CNTN5: variants seen among roughly 807,000 people sequenced by gnomAD.
CNTN5 encodes the protein contactin 5, also known as contactin-5.
CNTN5 carries 77 observed loss-of-function variants against 129.1 expected under a neutral mutation model. The ratio of observed to expected loss-of-function variants is 0.60; its 90% CI spans 0.50 to 0.72. The LOEUF is 0.72. Ranked by LOEUF, CNTN5 falls within the 30% of genes least tolerant of loss-of-function variation. The pLI is 0.00. For synonymous variants in CNTN5, 509 were observed against 465.6 expected (o/e 1.09, Z -1.20); for missense variants, 1,478 against 1,328.8 (o/e 1.11, Z -1.75).
At chr11:99,774,123 A>T (rs1270435166) in intron 3 of CNTN5, among the ~76,000 whole-genome samples, 2 of 151,942 alleles carry the variant, frequency 1.3e-5, no homozygotes, top group African/African-American at 4.8e-5. Flanking sequence ...AAGTTCTAGA[A>T]TGGTTTAAGT....
At chr11:99,439,319 T>C (rs1446316389) in intron 2 of CNTN5, among the ~76,000 whole-genome samples, 7 of 151,786 alleles carry the variant, frequency 4.6e-5, no homozygotes, top group Admixed American at 2.0e-4. Flanking sequence ...TGTGTGTATA[T>C]ATATTTAAGA....
chr11:99,864,458 AGAT>A (rs1267444628), intron 6 of CNTN5, among the ~76,000 whole-genome samples: 1 of 151,956 alleles, frequency 6.6e-6, no homozygotes, highest in Non-Finnish European at 1.5e-5. Flanking sequence ...CACCCTTTTT[AGAT>A]GATGTTTTTA....
intron 1 of CNTN5, among the ~76,000 whole-genome samples, chr11:99,232,932 A>T (rs78639496): frequency 0.049 from 7,427 of 152,270 alleles, 563 homozygotes; most frequent in African/African-American, 0.16. Flanking sequence ...TATGTTAAAC[A>T]TATAAAATGA....
chr11:99,201,360 T>TTCCC (rs1333487837), intron 1 of CNTN5, among the ~76,000 whole-genome samples: 8 of 147,040 alleles, frequency 5.4e-5, no homozygotes, highest in Middle Eastern at 3.2e-3. Flanking sequence ...CTTTCCTTCC[T>TTCCC]TCCTTCCTTC....
At chr11:99,592,677 A>T (rs1046590833) in intron 3 of CNTN5, among the ~76,000 whole-genome samples, 3 of 152,196 alleles carry the variant, frequency 2.0e-5, no homozygotes, top group Non-Finnish European at 4.4e-5. Flanking sequence ...ACCAAGATAT[A>T]AGAGTAACTA....
Position 100,089,577 on chromosome 11 carries a change from A to C in CNTN5, c.1580+15283A>C, listed in dbSNP as rs1018153038. ...ACTGGGTGAATACCCAAAGGAATACAAATTATTCTATTATAAAGATATGTT... is the reference window on the plus strand; with the variant it reads ...ACTGGGTGAATACCCAAAGGAATACCAATTATTCTATTATAAAGATATGTT... On this transcript the variant is annotated intron_variant, in intron 13 of 24. Coordinates refer to ENST00000524871, the MANE Select transcript of CNTN5 (RefSeq NM_014361.4). 3.3e-5 allele frequency among the ~76,000 whole-genome samples: 5 copies of C among 152,172 alleles called. No individual in the cohort carries two copies. In the East Asian group the frequency reaches 9.6e-4, roughly 29 times the overall value.
chr11:100,184,375 G>C (rs973284850), intron 13 of CNTN5, among the ~76,000 whole-genome samples: 3 of 152,004 alleles, frequency 2.0e-5, no homozygotes, highest in African/African-American at 7.3e-5. Context: ...TAAAACATAG[G>C]GTCTTAATTA....
At chr11:99,298,428 A>G (rs1426908389) in intron 1 of CNTN5, among the ~76,000 whole-genome samples, 1 of 152,178 alleles carries the variant, frequency 6.6e-6, no homozygotes, top group East Asian at 1.9e-4. Context: ...TGAGTGGTTG[A>G]AGTATGGCCA....
intron 1 of CNTN5, among the ~76,000 whole-genome samples, chr11:99,154,769 G>A (rs1264966672): frequency 3.3e-5 from 5 of 152,178 alleles, no homozygotes; most frequent in Non-Finnish European, 7.3e-5. Context: ...GCATGGCCAA[G>A]GTGGGGCCTT....
chr11:99,874,566 C>T (rs1016681690), intron 6 of CNTN5, among the ~76,000 whole-genome samples: 1 of 152,038 alleles, frequency 6.6e-6, no homozygotes, highest in African/African-American at 2.4e-5. Flanking sequence ...ATTAGGTTTG[C>T]AAGTTGGTGA....
chr11:100,315,828 T>G (rs1178226238), intron 21 of CNTN5, among the ~76,000 whole-genome samples: 1 of 152,190 alleles, frequency 6.6e-6, no homozygotes, highest in Non-Finnish European at 1.5e-5. Context: ...TAGCTTGAAA[T>G]TTTATGGTAG....
At chr11:99,960,669 T>C (rs889676743) in intron 8 of CNTN5, among the ~76,000 whole-genome samples, 2 of 152,126 alleles carry the variant, frequency 1.3e-5, no homozygotes, top group African/African-American at 4.8e-5. Context: ...AGTTCTGCTG[T>C]ACAAAAACAA....
chr11:100,219,166 A>G (rs962380357), intron 15 of CNTN5, among the ~76,000 whole-genome samples: 1 of 152,208 alleles, frequency 6.6e-6, no homozygotes, highest in African/African-American at 2.4e-5. Context: ...AGGTATGAGG[A>G]AAGCTGGTCC....
intron 1 of CNTN5, among the ~76,000 whole-genome samples, chr11:99,228,014 C>T (rs1591385140): frequency 6.6e-6 from 1 of 151,978 alleles, no homozygotes; most frequent in East Asian, 1.9e-4. Flanking sequence ...TGACATTTTA[C>T]TATGTATTGT....
At chr11:100,007,873 A>T (rs991281898) in intron 9 of CNTN5, among the ~76,000 whole-genome samples, 5 of 151,872 alleles carry the variant, frequency 3.3e-5, no homozygotes, top group Non-Finnish European at 5.9e-5. Flanking sequence ...TTCCTCACTA[A>T]GCTTAATTTC....
chr11:99,618,635 G>T (rs1220871085), intron 3 of CNTN5, among the ~76,000 whole-genome samples: 1 of 152,142 alleles, frequency 6.6e-6, no homozygotes, highest in African/African-American at 2.4e-5. Flanking sequence ...AAACTACAAT[G>T]ATTAAGCCTG....
At chr11:99,698,250 C>A in intron 3 of CNTN5, among the ~76,000 whole-genome samples, 1 of 138,684 alleles carries the variant, frequency 7.2e-6, no homozygotes, top group Non-Finnish European at 1.6e-5. Flanking sequence ...TTATATTATT[C>A]AAATATTTTC....
intron 2 of CNTN5, among the ~76,000 whole-genome samples, chr11:99,419,059 C>T (rs1433965191): frequency 6.6e-6 from 1 of 152,156 alleles, no homozygotes; most frequent in East Asian, 1.9e-4. Context: ...CTACATAATA[C>T]AGTGCCTGCC....
At chr11:99,523,919 T>C (rs1446983610) in intron 2 of CNTN5, among the ~76,000 whole-genome samples, 1 of 152,172 alleles carries the variant, frequency 6.6e-6, no homozygotes, top group Non-Finnish European at 1.5e-5. Context: ...AGTCATTAAT[T>C]TGCAAAAGAT....
Sources: gnomAD v4.1 joint callset for allele counts (sites outside exome capture counted in the v4.1 genomes callset) on GRCh38, gnomAD v4.1.1 for gene constraint, MANE v1.5 for transcripts, NCBI Gene and HGNC (gene_info 2026-07-23, HGNC 2026-07-21) for gene names.